The following FANCC variants were observed in gnomAD, a reference collection of about 807,000 sequenced individuals.
The protein encoded by FANCC is FA complementation group C.
Under a neutral mutation model 71.3 loss-of-function variants are expected in FANCC, and 55 were observed. The observed-to-expected ratio is 0.77, with a 90% CI of 0.62 to 0.97. The LOEUF is 0.97. Among genes scored for constraint, FANCC ranks in the 50% least tolerant of loss-of-function variants. The pLI, the probability that FANCC is intolerant of heterozygous loss-of-function variation, is 0.00. For missense variants in FANCC, 678 were observed against 670.9 expected, an observed-to-expected ratio of 1.01 and a Z score of -0.12; for synonymous variants, 275 against 244.9, an observed-to-expected ratio of 1.12 and a Z score of -1.15.
At chr9:95,134,113 G>A (rs1239277635) in intron 8 of FANCC, among the ~76,000 whole-genome samples, 2 of 152,176 alleles carry the variant, frequency 1.3e-5, no homozygotes, top group Non-Finnish European at 2.9e-5. Flanking sequence ...TGAGAGCAGC[G>A]TGGCTGTCAG....
At chr9:95,117,418 C>G (rs767906979) in intron 10 of FANCC, 28 bp from the exon 11 acceptor site, 8 of 1,597,990 alleles carry the variant, frequency 5.0e-6, no homozygotes, top group African/African-American at 1.3e-5. Context: ...ATCCAAAGAG[C>G]ATGAACATTA....
intron 7 of FANCC, among the ~76,000 whole-genome samples, chr9:95,149,714 G>A (rs1409083615): frequency 2.0e-5 from 3 of 152,034 alleles, no homozygotes; most frequent in Non-Finnish European, 2.9e-5. Context: ...CCTGACCTCA[G>A]GTGATCCACC....
intron 4 of FANCC, among the ~76,000 whole-genome samples, chr9:95,182,243 AGGCG>A (rs892291145): frequency 6.6e-6 from 1 of 151,086 alleles, no homozygotes; most frequent in African/African-American, 2.4e-5. Flanking sequence ...GGTGTTGGCC[AGGCG>A]TGGTGGCTCA....
At chr9:95,164,851 A>C (rs1478551068) in intron 6 of FANCC, among the ~76,000 whole-genome samples, 1 of 152,146 alleles carries the variant, frequency 6.6e-6, no homozygotes, top group East Asian at 1.9e-4. Context: ...GACTTTAAGA[A>C]AGACTGGTGT....
intron 7 of FANCC, among the ~76,000 whole-genome samples, chr9:95,140,951 A>AT (rs1387111938): frequency 6.6e-6 from 1 of 152,064 alleles, no homozygotes; most frequent in Non-Finnish European, 1.5e-5. Flanking sequence ...ATATAAGCAG[A>AT]TTTTTTATTA....
chr9:95,252,274 CAAAAAAAAAAAAAAAAAAAAGAA>C (rs1327334843), intron 1 of FANCC, among the ~76,000 whole-genome samples: 107 of 50,160 alleles, frequency 2.1e-3, no homozygotes, highest in African/African-American at 7.9e-3. Context: ...GAGACTGATT[CAAAAAAAAAAAAAAAAAAAAGAA>C]AAAAAAAAGA....
intron 8 of FANCC, among the ~76,000 whole-genome samples, chr9:95,131,872 G>A (rs1159898889): frequency 5.9e-5 from 9 of 152,086 alleles, no homozygotes; most frequent in Admixed American, 1.3e-4. Flanking sequence ...TCTTTCTGAA[G>A]TGCTACAATT....
chr9:95,159,291 T>G (rs1488292616), intron 6 of FANCC, among the ~76,000 whole-genome samples: 2 of 152,218 alleles, frequency 1.3e-5, no homozygotes, highest in Admixed American at 6.5e-5. Flanking sequence ...TGTTTGGTTT[T>G]CTGTCCTTGT....
intron 6 of FANCC, among the ~76,000 whole-genome samples, chr9:95,156,793 G>T (rs1830480522): frequency 6.6e-6 from 1 of 152,112 alleles, no homozygotes; most frequent in Non-Finnish European, 1.5e-5. Flanking sequence ...GATAACCTTT[G>T]CAAAACAGCT....
chr9:95,276,545 A>C (rs948743436), intron 1 of FANCC, among the ~76,000 whole-genome samples: 7 of 152,220 alleles, frequency 4.6e-5, no homozygotes, highest in Non-Finnish European at 1.5e-5. Context: ...ATAAGGTGCT[A>C]CTACTCATTC....
At chr9:95,284,903 C>CACAA (rs1296554495) in intron 1 of FANCC, among the ~76,000 whole-genome samples, 1 of 148,926 alleles carries the variant, frequency 6.7e-6, no homozygotes, top group African/African-American at 2.5e-5. Context: ...CACACACACA[C>CACAA]AAACATACGC....
intron 4 of FANCC, among the ~76,000 whole-genome samples, chr9:95,234,916 G>A (rs531996468): frequency 3.9e-5 from 6 of 152,284 alleles, no homozygotes; most frequent in East Asian, 1.9e-4. Flanking sequence ...TCTCTTACTC[G>A]GGAGCATCAG....
Position 95,171,178 on chromosome 9 carries a change from C to T in FANCC, c.457-35G>A, listed in dbSNP as rs756318965. 7.3e-6 allele frequency: 11 copies of T among 1,516,134 alleles called. No homozygotes were observed. In the African/African-American group the frequency reaches 1.2e-4, roughly 17 times the overall value. 93.9% of individuals were successfully genotyped at this position (1,516,134 alleles called of 1,614,324 possible). On this transcript the variant is annotated intron_variant, in intron 5 of 14. Transcript: ENST00000289081. ...AAAATCAGTTGCAGGTTAACTCACGCTGCAAACAGGATTACATCAGTTCTA... is the reference window on the plus strand; with the variant it reads ...AAAATCAGTTGCAGGTTAACTCACGTTGCAAACAGGATTACATCAGTTCTA...
At chr9:95,126,716 GA>G in intron 8 of FANCC, 135 bp from the exon 9 acceptor site, 1 of 853,598 alleles carries the variant, frequency 1.2e-6, no homozygotes, top group East Asian at 2.7e-5. Flanking sequence ...TTAGAAGAAC[GA>G]ACCACTGCTG....
intron 1 of FANCC, among the ~76,000 whole-genome samples, chr9:95,295,014 TA>T (rs1274131860): frequency 3.3e-5 from 5 of 150,876 alleles, no homozygotes; most frequent in Admixed American, 1.3e-4. Flanking sequence ...GATGTTGATC[TA>T]AAAAAAAAGA....
chr9:95,269,879 G>T (rs1015412708), intron 1 of FANCC, among the ~76,000 whole-genome samples: 1 of 152,008 alleles, frequency 6.6e-6, no homozygotes, highest in African/African-American at 2.4e-5. Flanking sequence ...AGAAATAAGG[G>T]GACCCGGGGA....
chr9:95,135,748 A>C (rs1245597545), intron 7 of FANCC, among the ~76,000 whole-genome samples: 1 of 152,212 alleles, frequency 6.6e-6, no homozygotes. Context: ...ATTGCTTTCA[A>C]AAAGAATAAG....
At chr9:95,205,227 T>C (rs1828045135) in intron 4 of FANCC, among the ~76,000 whole-genome samples, 1 of 152,166 alleles carries the variant, frequency 6.6e-6, no homozygotes, top group Admixed American at 6.5e-5. Context: ...AATTCATTTT[T>C]AATCAGCTTA....
At chr9:95,290,723 C>T (rs563491928) in intron 1 of FANCC, among the ~76,000 whole-genome samples, 7 of 152,144 alleles carry the variant, frequency 4.6e-5, no homozygotes, top group Non-Finnish European at 1.0e-4. Flanking sequence ...TATAAAAAGA[C>T]AAATTGCTTT....
Sources: allele counts gnomAD v4.1 joint callset (sites outside exome capture counted in the v4.1 genomes callset), GRCh38; gene constraint gnomAD v4.1.1; transcripts MANE v1.5; gene names NCBI Gene and HGNC (gene_info 2026-07-23, HGNC 2026-07-21).